Variants in KSR2 observed in about 807,000 individuals in gnomAD.
KSR2 encodes kinase suppressor of ras 2.
KSR2 carries 25 observed loss-of-function variants against 107.8 expected under a neutral mutation model. The observed-to-expected ratio is 0.23, with a 90% confidence interval of 0.17 to 0.32. The LOEUF is 0.32. Among genes scored for constraint, KSR2 ranks in the 10% least tolerant of loss-of-function variants. The pLI is 1.00. For synonymous variants in KSR2, 480 were observed against 507.0 expected, an observed-to-expected ratio of 0.95 and a Z score of 0.71; for missense variants, 887 against 1,268.9, an observed-to-expected ratio of 0.70 and a Z score of 4.57.
chr12:117,752,994 C>A (rs895876560), intron 4 of KSR2, among the ~76,000 whole-genome samples: 5 of 152,188 alleles, frequency 3.3e-5, no homozygotes, highest in African/African-American at 1.2e-4. Context: ...AGATCATTCC[C>A]TCTTAATTTT....
intron 3 of KSR2, among the ~76,000 whole-genome samples, chr12:117,830,619 T>C (rs1482696479): frequency 6.6e-6 from 1 of 152,194 alleles, no homozygotes; most frequent in Non-Finnish European, 1.5e-5. Flanking sequence ...TAAGAAAGCC[T>C]GCGTCATTTC....
intron 3 of KSR2, among the ~76,000 whole-genome samples, chr12:117,851,212 G>T (rs1355284128): frequency 6.6e-6 from 1 of 152,206 alleles, no homozygotes; most frequent in African/African-American, 2.4e-5. Flanking sequence ...CTGAGTCTTA[G>T]CAGCCTGGGA....
At chr12:117,740,458 A>G (rs1180700212) in intron 4 of KSR2, among the ~76,000 whole-genome samples, 2 of 88,682 alleles carry the variant, frequency 2.3e-5, no homozygotes, top group Admixed American at 2.9e-4. Context: ...TATATAGTAC[A>G]TATATTATAT....
chr12:117,947,195 G>GA (rs57923959), intron 1 of KSR2, among the ~76,000 whole-genome samples: 1 of 84,678 alleles, frequency 1.2e-5, no homozygotes, highest in African/African-American at 4.8e-5. Context: ...AGAAAAGAAA[G>GA]AAAAGAAAGA....
intron 5 of KSR2, among the ~76,000 whole-genome samples, chr12:117,586,925 T>G (rs932378215): frequency 1.3e-5 from 2 of 152,330 alleles, no homozygotes; most frequent in African/African-American, 4.8e-5. Context: ...CATCTCCCTT[T>G]CACAGATGGG....
chr12:117,529,688 A>G (rs1875472121), intron 12 of KSR2, among the ~76,000 whole-genome samples: 1 of 151,986 alleles, frequency 6.6e-6, no homozygotes, highest in South Asian at 2.1e-4. Context: ...TTCTACATCA[A>G]TATGTCATTT....
In KSR2 at chr12:117,925,827, G is replaced by A. The variant is rs567070352; in HGVS notation, c.180+42249C>T. Among the ~76,000 whole-genome samples the A allele has an allele frequency of 2.0e-5, 3 of 152,294 alleles. No homozygotes were observed. In the South Asian group the frequency reaches 6.2e-4, roughly 32 times the overall value. On this transcript the variant is annotated intron_variant, in intron 1 of 19. Coordinates refer to ENST00000339824, the MANE Select transcript of KSR2 (RefSeq NM_173598.6). ...TGATTCCAAAGTGTGTGCTGGGGTA[G>A]GGGTTTAGCTAGTACGGGACAGGGC...
Position 117,454,769 on chromosome 12 carries a change from T to A in KSR2, c.*12430A>T, listed in dbSNP as rs1039255142. 6.6e-6 allele frequency: 1 copy of A among 152,180 alleles called. No individual in the cohort carries two copies. Among genetic ancestry groups the A allele is most frequent in the Non-Finnish European group, 1.5e-5 (1 of 68,060 alleles). 9.4% of individuals were successfully genotyped at this position (152,180 alleles called of 1,614,324 possible). A position where few individuals can be genotyped will look rare whatever the true frequency, so the allele number is the denominator to read the frequency against. ...ACTGTCCCAGAAAGAGGTTTTTTGCTGAAGAAGGTTTTTTGGTATGGCAAG... is the reference window on the plus strand; with the variant it reads ...ACTGTCCCAGAAAGAGGTTTTTTGCAGAAGAAGGTTTTTTGGTATGGCAAG... On this transcript the variant is annotated 3_prime_UTR_variant, in exon 20 of 20. Transcript: ENST00000339824.
chr12:117,719,491 T>C (rs570734498), intron 4 of KSR2, among the ~76,000 whole-genome samples: 11 of 152,310 alleles, frequency 7.2e-5, no homozygotes, highest in Non-Finnish European at 1.5e-4. Flanking sequence ...CCACAGCACC[T>C]GGCCAACAAT....
chr12:117,664,097 A>T (rs1593106727), intron 5 of KSR2, among the ~76,000 whole-genome samples: 1 of 152,154 alleles, frequency 6.6e-6, no homozygotes, highest in Non-Finnish European at 1.5e-5. Context: ...GGGCTGGTGA[A>T]CCTTGGAGAC....
chr12:117,482,925 T>C (rs1235056982), intron 16 of KSR2, among the ~76,000 whole-genome samples: 1 of 152,208 alleles, frequency 6.6e-6, no homozygotes, highest in Non-Finnish European at 1.5e-5. Context: ...GGGTTGACAG[T>C]GAAGTCACCC....
At chr12:117,850,829 T>C (rs1055006147) in intron 3 of KSR2, among the ~76,000 whole-genome samples, 2 of 150,204 alleles carry the variant, frequency 1.3e-5, no homozygotes, top group Non-Finnish European at 3.0e-5. Context: ...AAAATACACA[T>C]GTATTGAACC....
chr12:117,715,955 T>C (rs1045140499), intron 4 of KSR2, among the ~76,000 whole-genome samples: 1 of 152,186 alleles, frequency 6.6e-6, no homozygotes, highest in African/African-American at 2.4e-5. Flanking sequence ...GTCTTCTCTC[T>C]CCCTGGAACA....
intron 4 of KSR2, among the ~76,000 whole-genome samples, chr12:117,719,368 G>T (rs1303995632): frequency 2.0e-5 from 3 of 152,090 alleles, no homozygotes; most frequent in African/African-American, 7.2e-5. Context: ...CTAATTTTTT[G>T]AACTTTTAGT....
At chr12:117,765,802 G>C (rs1055956580) in intron 3 of KSR2, among the ~76,000 whole-genome samples, 2 of 152,168 alleles carry the variant, frequency 1.3e-5, no homozygotes, top group African/African-American at 4.8e-5. Context: ...CATTTGAGCA[G>C]ATATCAGAGT....
chr12:117,758,218 T>C (rs1227993187), intron 4 of KSR2, among the ~76,000 whole-genome samples: 2 of 152,234 alleles, frequency 1.3e-5, no homozygotes, highest in African/African-American at 2.4e-5. Flanking sequence ...AGGTAAATGA[T>C]GACTGTTGTT....
chr12:117,838,905 A>T (rs1474736051), intron 3 of KSR2, among the ~76,000 whole-genome samples: 2 of 152,252 alleles, frequency 1.3e-5, no homozygotes, highest in Non-Finnish European at 2.9e-5. Context: ...TTTGTGGGCC[A>T]TACGGTCTCT....
intron 3 of KSR2, among the ~76,000 whole-genome samples, chr12:117,819,687 C>CA (rs1891495128): frequency 6.6e-6 from 1 of 152,026 alleles, no homozygotes; most frequent in Non-Finnish European, 1.5e-5. Context: ...TCAATAATAG[C>CA]AAAAATAATC....
rs150002252 is a variant in KSR2, at chr12:117,678,515, G to T, written c.987-10857C>A. ...ATTTGGACTGAAGAATAGATTTCTT[G>T]CAAGAAGCAAAGGAGTTTTCCTCCA... On this transcript the variant is annotated intron_variant, in intron 4 of 19. Transcript: ENST00000339824. Among the ~76,000 whole-genome samples the T allele has an allele frequency of 1.1e-4, 17 of 152,284 alleles. No homozygotes were observed. The East Asian group carries it at 3.3e-3, about 29-fold the overall frequency.
Sources: allele counts gnomAD v4.1 joint callset (sites outside exome capture counted in the v4.1 genomes callset), GRCh38; gene constraint gnomAD v4.1.1; transcripts MANE v1.5; gene names NCBI Gene and HGNC (gene_info 2026-07-23, HGNC 2026-07-21).